NCOR1: variants seen among roughly 807,000 people sequenced by gnomAD.
NCOR1 encodes the protein protein phosphatase 1, regulatory subunit 109.
NCOR1 carries 63 observed loss-of-function variants against 288.1 expected under a neutral mutation model. That is an observed-to-expected ratio of 0.22 (90% CI 0.18 to 0.27). NCOR1 has a LOEUF of 0.27. NCOR1 is among the 10% of genes least tolerant of loss of function. The probability of loss-of-function intolerance (pLI) is 1.00; values close to 1 mark genes in which losing one functional copy is unlikely to be tolerated. For missense variants in NCOR1, 2,397 were observed against 3,019.2 expected (o/e 0.79, Z 4.83); for synonymous variants, 1,007 against 1,065.9 (o/e 0.94, Z 1.08).
At chr17:16,075,476 G>C in intron 27 of NCOR1, 58 bp downstream of exon 27, 1 of 1,563,622 alleles carries the variant, frequency 6.4e-7, no homozygotes, top group South Asian at 1.2e-5. Context: ...GAAAACCCAA[G>C]CCTATGTTTT....
chr17:16,161,267 ACAC>A lies in NCOR1; in HGVS notation c.619-2397_619-2395del, dbSNP rs1356128273. On this transcript the variant is annotated intron_variant, in intron 5 of 45. Coordinates refer to ENST00000268712, the MANE Select transcript of NCOR1 (RefSeq NM_006311.4). ...CACACACACACACACACACACACAC[ACAC>A]ACTCCCTCACCTGTTTTTGTTTTTG... Among the ~76,000 whole-genome samples the A allele has an allele frequency of 2.5e-3, 308 of 121,632 alleles. 1 individual carries two copies. Among genetic ancestry groups the A allele is most frequent in the African/African-American group, 8.2e-3 (275 of 33,556 alleles). The allele number at this position is 121,632 out of a possible 152,430, so 79.8% of individuals were successfully genotyped here.
chr17:16,066,645 A>G (rs1196473977), intron 32 of NCOR1, among the ~76,000 whole-genome samples: 1 of 152,210 alleles, frequency 6.6e-6, no homozygotes, highest in Non-Finnish European at 1.5e-5. Context: ...CTTCCCCTTC[A>G]TCTAGAAGCT....
At chr17:16,051,130 T>G (rs2059261736) in intron 40 of NCOR1, among the ~76,000 whole-genome samples, 1 of 152,240 alleles carries the variant, frequency 6.6e-6, no homozygotes, top group Admixed American at 6.5e-5. Flanking sequence ...TCAGCCACTG[T>G]GCTGGCTTGC....
At chr17:16,212,992 G>A (rs2092271849) in intron 1 of NCOR1, among the ~76,000 whole-genome samples, 2 of 148,512 alleles carry the variant, frequency 1.3e-5, no homozygotes, top group Non-Finnish European at 3.0e-5. Context: ...AGGATCACCT[G>A]AGTCCAGAGG....
intron 3 of NCOR1, among the ~76,000 whole-genome samples, chr17:16,177,524 T>C (rs558422929): frequency 6.6e-6 from 1 of 152,296 alleles, no homozygotes; most frequent in East Asian, 1.9e-4. Context: ...TTCCCACTTT[T>C]TCTGGCATGT....
In NCOR1 at chr17:16,075,482, GT is replaced by G. The variant is rs2062330631; in HGVS notation, c.3670+51del. The G allele has an allele frequency of 5.7e-6, 9 of 1,576,202 alleles. No homozygotes were observed. In the South Asian group the frequency reaches 9.2e-5, roughly 16 times the overall value. On this transcript the variant is annotated intron_variant, in intron 27 of 45. Transcript: ENST00000268712. ...GAAATGCGGGAAAACCCAAGCCTAT[GT>G]TTTTAGCACATATTGTAATACTGGC...
At chr17:16,120,132 A>G (rs1393189567) in intron 16 of NCOR1, among the ~76,000 whole-genome samples, 2 of 152,166 alleles carry the variant, frequency 1.3e-5, no homozygotes, top group African/African-American at 4.8e-5. Flanking sequence ...TAATTTTTGA[A>G]TCTTGCCTCC....
chr17:16,186,835 C>A, intron 2 of NCOR1, 148 bp from the exon 3 acceptor site: 3 of 683,002 alleles, frequency 4.4e-6, no homozygotes, highest in Non-Finnish European at 4.8e-6. Flanking sequence ...TAATTCTTCC[C>A]CTTAAAATAA....
In NCOR1 at chr17:16,167,859, C is replaced by CAA. The variant is rs71299856; in HGVS notation, c.436-2700_436-2699dup. On this transcript the variant is annotated intron_variant, in intron 4 of 45. Transcript: ENST00000268712. ...TGGGTGATAGAAGAAGACTCCATCTCAAAAAAAAAAAAAAAAAAAACCACA... is the reference window on the plus strand; with the variant it reads ...TGGGTGATAGAAGAAGACTCCATCTCAAAAAAAAAAAAAAAAAAAAAACCACA... 4.8e-3 allele frequency among the ~76,000 whole-genome samples: 302 copies of CAA among 62,608 alleles called. 13 individuals carry two copies. The highest frequency in any genetic ancestry group is 0.012 in the African/African-American group (184 of 14,736). The allele number at this position is 62,608 out of a possible 152,430, so 41.1% of individuals were successfully genotyped here.
intron 32 of NCOR1, among the ~76,000 whole-genome samples, chr17:16,067,034 G>A (rs998826984): frequency 1.3e-5 from 2 of 152,212 alleles, no homozygotes; most frequent in African/African-American, 4.8e-5. Context: ...AGCAAGGACT[G>A]CACCCTGGGA....
chr17:16,094,751 G>C (rs2066049059), intron 21 of NCOR1, among the ~76,000 whole-genome samples: 1 of 152,174 alleles, frequency 6.6e-6, no homozygotes, highest in African/African-American at 2.4e-5. Context: ...TTTTTTGGTG[G>C]AGACGGGGTT....
At chr17:16,128,441 C>T (rs890149300) in intron 14 of NCOR1, among the ~76,000 whole-genome samples, 2 of 152,240 alleles carry the variant, frequency 1.3e-5, no homozygotes, top group Non-Finnish European at 2.9e-5. Context: ...TATCAGCATC[C>T]ATCTGGCTCT....
chr17:16,057,467 G>A, intron 40 of NCOR1, 47 bp downstream of exon 40: 1 of 1,547,556 alleles, frequency 6.5e-7, no homozygotes, highest in Non-Finnish European at 8.9e-7. Flanking sequence ...TATTCCATTT[G>A]TTTTACTGTT....
intron 35 of NCOR1, 85 bp from the exon 36 acceptor site, chr17:16,062,355 T>G: frequency 7.5e-7 from 1 of 1,325,980 alleles, no homozygotes; most frequent in Non-Finnish European, 1.0e-6. Flanking sequence ...ATTGTTTATT[T>G]CCTAACATAC....
intron 43 of NCOR1, chr17:16,040,116 C>A (rs2057283605): frequency 2.0e-6 from 1 of 502,368 alleles, no homozygotes. Context: ...CCACAGATAA[C>A]TCCTTAAGGA....
intron 4 of NCOR1, among the ~76,000 whole-genome samples, chr17:16,168,508 G>A (rs2082480274): frequency 6.6e-6 from 1 of 151,858 alleles, no homozygotes; most frequent in East Asian, 1.9e-4. Context: ...GCCAAGAAGT[G>A]GGTACCTTTA....
intron 16 of NCOR1, among the ~76,000 whole-genome samples, chr17:16,120,766 A>AT (rs1308996845): frequency 6.6e-6 from 1 of 152,196 alleles, no homozygotes; most frequent in Non-Finnish European, 1.5e-5. Context: ...TCATGCCTCA[A>AT]TATTACACAG....
chr17:16,073,631 T>C (rs2062021495), intron 27 of NCOR1, 62 bp from the exon 28 acceptor site: 6 of 1,355,480 alleles, frequency 4.4e-6, no homozygotes, highest in Admixed American at 2.8e-5. Context: ...GTACAGTAAA[T>C]AGGTTAGTTT....
chr17:16,130,228 A>G (rs2153224326), intron 14 of NCOR1, among the ~76,000 whole-genome samples: 2 of 152,356 alleles, frequency 1.3e-5, no homozygotes, highest in Admixed American at 1.3e-4. Context: ...GACCTATCAT[A>G]ACAACTGCCA....
Sources: gnomAD v4.1 joint callset for allele counts (sites outside exome capture counted in the v4.1 genomes callset) on GRCh38, gnomAD v4.1.1 for gene constraint, MANE v1.5 for transcripts, NCBI Gene and HGNC (gene_info 2026-07-23, HGNC 2026-07-21) for gene names.